Variants in SPMIP2 observed in about 807,000 individuals in gnomAD.
SPMIP2 encodes protein SPMIP2.
the SPMIP2 span, among the ~76,000 whole-genome samples, chr4:158,901,128 ATTTTTT>A: frequency 1.8e-5 from 2 of 112,300 alleles, no homozygotes; most frequent in African/African-American, 7.4e-5. Flanking sequence ...CTGGGTTGAA[ATTTTTT>A]TTTTTTTTTT....
chr4:158,898,471 C>T, the SPMIP2 span, among the ~76,000 whole-genome samples: 1 of 152,174 alleles, frequency 6.6e-6, no homozygotes, highest in African/African-American at 2.4e-5. Context: ...TATCCATGAG[C>T]ATGGAATGTT....
At chr4:158,986,435 A>G in the SPMIP2 span, among the ~76,000 whole-genome samples, 1 of 152,338 alleles carries the variant, frequency 6.6e-6, no homozygotes, top group South Asian at 2.1e-4. Context: ...ATCAAAACAG[A>G]GATATAGATC....
the SPMIP2 span, among the ~76,000 whole-genome samples, chr4:159,051,815 C>T: frequency 1.2e-4 from 19 of 152,130 alleles, no homozygotes; most frequent in African/African-American, 3.4e-4. Flanking sequence ...ATATAGTAAA[C>T]GACTGGCATT....
chr4:159,007,526 T>C, the SPMIP2 span: 2 of 896,696 alleles, frequency 2.2e-6, no homozygotes, highest in Non-Finnish European at 3.6e-6. Flanking sequence ...AGATGGATGA[T>C]TTTGGGGTAG....
At chr4:158,998,807 A>G in the SPMIP2 span, among the ~76,000 whole-genome samples, 1 of 152,112 alleles carries the variant, frequency 6.6e-6, no homozygotes, top group Non-Finnish European at 1.5e-5. Context: ...ACAGAGCACA[A>G]CCGACACTGG....
At chr4:158,968,306 G>A in the SPMIP2 span, among the ~76,000 whole-genome samples, 2 of 152,166 alleles carry the variant, frequency 1.3e-5, no homozygotes, top group African/African-American at 4.8e-5. Context: ...TGGGATTACA[G>A]GCATGAGCCA....
chr4:158,907,952 A>T, the SPMIP2 span: 2 of 152,188 alleles, frequency 1.3e-5, no homozygotes, highest in African/African-American at 4.8e-5. Context: ...ATAGATACCA[A>T]TGTCATTGTG....
chr4:159,069,927 T>C, the SPMIP2 span, among the ~76,000 whole-genome samples: 65 of 152,290 alleles, frequency 4.3e-4, no homozygotes, highest in East Asian at 0.012. Context: ...GGAATCCTAA[T>C]AGCAGAGATT....
the SPMIP2 span, among the ~76,000 whole-genome samples, chr4:158,964,433 G>A: frequency 6.6e-6 from 1 of 152,150 alleles, no homozygotes; most frequent in East Asian, 1.9e-4. Flanking sequence ...GCCATCCCTG[G>A]ATTTCTGACC....
At chr4:158,961,387 C>T in the SPMIP2 span, among the ~76,000 whole-genome samples, 1 of 152,030 alleles carries the variant, frequency 6.6e-6, no homozygotes, top group Non-Finnish European at 1.5e-5. Flanking sequence ...GACCTGAAAC[C>T]TTAATCTCTT....
the SPMIP2 span, among the ~76,000 whole-genome samples, chr4:159,047,445 GA>G: frequency 6.6e-6 from 1 of 152,134 alleles, no homozygotes; most frequent in African/African-American, 2.4e-5. Context: ...ATTTATGCTA[GA>G]TTTTAAATTA....
chr4:158,983,845 C>T, the SPMIP2 span, among the ~76,000 whole-genome samples: 5 of 65,542 alleles, frequency 7.6e-5, no homozygotes, highest in African/African-American at 1.2e-4. Context: ...AAGACACAGA[C>T]TGGCAAATTG....
chr4:158,996,674 C>T, the SPMIP2 span, among the ~76,000 whole-genome samples: 1 of 152,220 alleles, frequency 6.6e-6, no homozygotes, highest in South Asian at 2.1e-4. Context: ...TCTGTGTGCA[C>T]TGCATCCTCT....
At chr4:159,081,150 G>C in the SPMIP2 span, among the ~76,000 whole-genome samples, 1 of 150,392 alleles carries the variant, frequency 6.6e-6, no homozygotes, top group Non-Finnish European at 1.5e-5. Context: ...TGATTCTCCT[G>C]TCTCAGCCTC....
chr4:159,030,703 G>A, the SPMIP2 span, among the ~76,000 whole-genome samples: 3 of 151,944 alleles, frequency 2.0e-5, no homozygotes, highest in African/African-American at 7.3e-5. Flanking sequence ...CACCATGTTG[G>A]TCAGGCTGGT....
the SPMIP2 span, among the ~76,000 whole-genome samples, chr4:159,044,492 T>TA: frequency 2.7e-5 from 4 of 150,652 alleles, no homozygotes; most frequent in African/African-American, 2.4e-5. Context: ...TGGGAGAAGT[T>TA]AAAAAAAAAT....
the SPMIP2 span, among the ~76,000 whole-genome samples, chr4:159,023,865 C>T: frequency 1.3e-5 from 2 of 152,194 alleles, no homozygotes; most frequent in Admixed American, 1.3e-4. Flanking sequence ...GAGAAGGTCA[C>T]CTGACTGCCA....
the SPMIP2 span, among the ~76,000 whole-genome samples, chr4:158,999,924 G>C: frequency 6.6e-6 from 1 of 152,098 alleles, no homozygotes; most frequent in Non-Finnish European, 1.5e-5. Flanking sequence ...CACTTGAACA[G>C]GGAAAAATGG....
the SPMIP2 span, among the ~76,000 whole-genome samples, chr4:158,930,496 G>T: frequency 7.5e-6 from 1 of 132,524 alleles, no homozygotes; most frequent in Non-Finnish European, 1.6e-5. Context: ...GCATGAGCCT[G>T]TAATGCCTGG....
Sources: allele counts gnomAD v4.1 joint callset (sites outside exome capture counted in the v4.1 genomes callset), GRCh38; gene constraint gnomAD v4.1.1; transcripts MANE v1.5; gene names NCBI Gene and HGNC (gene_info 2026-07-23, HGNC 2026-07-21).